The following DUSP14 variants were observed in gnomAD, a reference collection of about 807,000 sequenced individuals.
The protein encoded by DUSP14 is dual specificity phosphatase 14.
In DUSP14, 5 loss-of-function variants were observed where a neutral mutation model predicts 13.2. The ratio of observed to expected loss-of-function variants is 0.38; its 90% CI spans 0.20 to 0.80. The LOEUF is 0.80. Among genes scored for constraint, DUSP14 ranks in the 30% least tolerant of loss-of-function variants. The pLI is 0.44. For missense variants in DUSP14, 185 were observed against 264.0 expected, an observed-to-expected ratio of 0.70 and a Z score of 2.07; for synonymous variants, 91 against 103.4, an observed-to-expected ratio of 0.88 and a Z score of 0.73.
Position 37,489,932 on chromosome 17 carries a change from C to T in DUSP14, c.-207C>T, listed in dbSNP as rs2046061012. 1 of 73,780 alleles carries T rather than the reference C, an allele frequency of 1.4e-5. No homozygotes were observed. The highest frequency in any genetic ancestry group is 1.6e-4 in the Admixed American group (1 of 6,142). The allele number at this position is 73,780 out of a possible 1,614,324, so 4.6% of individuals were successfully genotyped here. A position where few individuals can be genotyped will look rare whatever the true frequency, so the allele number is the denominator to read the frequency against. Reference sequence around the variant, plus strand: ...GCGCAGGAGGACGGAGCCCTAACCGCAACCCGCTCCGCGCCGCGCCGCGCC... The same window carrying T: ...GCGCAGGAGGACGGAGCCCTAACCGTAACCCGCTCCGCGCCGCGCCGCGCC... On this transcript the variant is annotated 5_prime_UTR_variant, in exon 1 of 3. Coordinates refer to ENST00000617516, the MANE Select transcript of DUSP14 (RefSeq NM_007026.4).
Position 37,511,585 on chromosome 17 carries a change from C to CTTTTTT in DUSP14, c.-92-583_-92-578dup, listed in dbSNP as rs533256343. Reference sequence around the variant, plus strand: ...CATGAGCTACCTCACCTGGCCTTTCCTTTTTTTTTTTTTTTTTTAGAAGCT... The same window carrying CTTTTTT: ...CATGAGCTACCTCACCTGGCCTTTCCTTTTTTTTTTTTTTTTTTTTTTTTAGAAGCT... On this transcript the variant is annotated intron_variant, in intron 2 of 2. Transcript: ENST00000617516. Among the ~76,000 whole-genome samples, 33 of 87,306 alleles carry CTTTTTT rather than the reference C, an allele frequency of 3.8e-4. 6 individuals are homozygous for CTTTTTT. Among genetic ancestry groups the CTTTTTT allele is most frequent in the South Asian group, 8.4e-4 (2 of 2,380 alleles). The allele number at this position is 87,306 out of a possible 152,430, so 57.3% of individuals were successfully genotyped here. A position where few individuals can be genotyped will look rare whatever the true frequency, so the allele number is the denominator to read the frequency against.
In DUSP14 at chr17:37,512,136, G is replaced by C; in HGVS notation, c.-92-45G>C. Reference sequence around the variant, plus strand: ...GACAAATGTGACAGAAGGCTGTGATGAATCAGTAGCATTTAAAGTACTGAC... The same window carrying C: ...GACAAATGTGACAGAAGGCTGTGATCAATCAGTAGCATTTAAAGTACTGAC... On this transcript the variant is annotated intron_variant, in intron 2 of 2. Coordinates refer to ENST00000617516, the MANE Select transcript of DUSP14 (RefSeq NM_007026.4). The surrounding 1 kb of genome is among the most constrained non-coding windows in gnomAD (Gnocchi z 4.8). 3.0e-6 allele frequency: 2 copies of C among 675,372 alleles called. No individual in the cohort carries two copies. The highest frequency in any genetic ancestry group is 2.6e-5 in the East Asian group (1 of 39,138). The allele number at this position is 675,372 out of a possible 1,614,324, so 41.8% of individuals were successfully genotyped here. A position where few individuals can be genotyped will look rare whatever the true frequency, so the allele number is the denominator to read the frequency against.
rs2054211646 is a variant in DUSP14, at chr17:37,513,329, ACTCTTTCCTTT to A, written c.*462_*472del. 1 of 174,842 alleles carries A rather than the reference ACTCTTTCCTTT, an allele frequency of 5.7e-6. No homozygotes were observed. The highest frequency in any genetic ancestry group is 1.4e-5 in the Non-Finnish European group (1 of 73,880). The allele number at this position is 174,842 out of a possible 1,614,324, so 10.8% of individuals were successfully genotyped here. A position where few individuals can be genotyped will look rare whatever the true frequency, so the allele number is the denominator to read the frequency against. On this transcript the variant is annotated 3_prime_UTR_variant, in exon 3 of 3. Transcript: ENST00000617516. ...CTTCAGTCTCTACTGGATTAGCCCT[ACTCTTTCCTTT>A]CCCCTCCATTATTTAGTGACTCTGT...
intron 1 of DUSP14, among the ~76,000 whole-genome samples, chr17:37,495,500 C>T (rs895738128): frequency 6.6e-6 from 1 of 152,116 alleles, no homozygotes; most frequent in Non-Finnish European, 1.5e-5. Context: ...ACTCCTATGT[C>T]TTTGAGTGTG....
rs537189968 is a variant in DUSP14 at position 37,491,183 on chromosome 17, C to G, written c.-181+1225C>G. Reference sequence around the variant, plus strand: ...GTTGTGCGTGTGTCTGGAAGCTCCACTCCCTTGAGCTGCGATTTGGTTATT... The same window carrying G: ...GTTGTGCGTGTGTCTGGAAGCTCCAGTCCCTTGAGCTGCGATTTGGTTATT... On this transcript the variant is annotated intron_variant, in intron 1 of 2. Transcript: ENST00000617516. 3.0e-4 allele frequency among the ~76,000 whole-genome samples: 45 copies of G among 152,346 alleles called. 1 individual carries two copies. In the South Asian group the frequency reaches 8.5e-3, roughly 29 times the overall value.
chr17:37,511,585 C>CCTTTTTTTTTTTTTT (rs1207586646), intron 2 of DUSP14, among the ~76,000 whole-genome samples: 9 of 87,310 alleles, frequency 1.0e-4, no homozygotes, highest in African/African-American at 4.7e-4. Flanking sequence ...CTGGCCTTTC[C>CCTTTTTTTTTTTTTT]TTTTTTTTTT....
chr17:37,507,555 C>T (rs2054146347), intron 1 of DUSP14, among the ~76,000 whole-genome samples: 2 of 152,244 alleles, frequency 1.3e-5, no homozygotes, highest in South Asian at 2.1e-4. Context: ...CGGGTTCAAG[C>T]GATTCTCTTG....
intron 1 of DUSP14, among the ~76,000 whole-genome samples, chr17:37,494,240 G>T (rs566531433): frequency 6.6e-6 from 1 of 152,190 alleles, no homozygotes; most frequent in Non-Finnish European, 1.5e-5. Flanking sequence ...TGATCCGCCC[G>T]CCTCGGCCTC....
chr17:37,498,635 T>C (rs1597968559), intron 1 of DUSP14, among the ~76,000 whole-genome samples: 2 of 151,840 alleles, frequency 1.3e-5, no homozygotes, highest in African/African-American at 4.8e-5. Flanking sequence ...CTAGATTGTA[T>C]CTTAAATCCA....
intron 1 of DUSP14, among the ~76,000 whole-genome samples, chr17:37,492,810 C>G (rs1485304110): frequency 6.6e-6 from 1 of 152,170 alleles, no homozygotes; most frequent in African/African-American, 2.4e-5. Context: ...CACACTCTCT[C>G]CCTCCCCCAG....
At chr17:37,511,923 C>CA (rs375345723) in intron 2 of DUSP14, among the ~76,000 whole-genome samples, 5 of 19,836 alleles carry the variant, frequency 2.5e-4, no homozygotes, top group African/African-American at 1.4e-3. Context: ...GCCCAGCCAC[C>CA]CCCCCCCCAC....
intron 1 of DUSP14, among the ~76,000 whole-genome samples, chr17:37,508,965 A>G (rs75895773): frequency 1.2e-3 from 169 of 146,790 alleles, no homozygotes; most frequent in African/African-American, 4.2e-3. Context: ...CAGGTTCATC[A>G]GTAGGTGAAT....
At chr17:37,498,206 A>G (rs1360404999) in intron 1 of DUSP14, among the ~76,000 whole-genome samples, 1 of 151,084 alleles carries the variant, frequency 6.6e-6, no homozygotes, top group Non-Finnish European at 1.5e-5. Context: ...CAAAAATTGG[A>G]GAAGTATTTA....
intron 2 of DUSP14, among the ~76,000 whole-genome samples, chr17:37,511,937 A>AGTGTTTTTTTTTTTTTTTTTTTT (rs1329764853): frequency 6.1e-5 from 1 of 16,442 alleles, no homozygotes; most frequent in Non-Finnish European, 1.2e-4. Context: ...CCCCCACCCC[A>AGTGTTTTTTTTTTTTTTTTTTTT]CTTTTTTTTT....
intron 1 of DUSP14, among the ~76,000 whole-genome samples, chr17:37,494,390 T>C (rs1008204164): frequency 6.6e-6 from 1 of 152,154 alleles, no homozygotes; most frequent in Admixed American, 6.5e-5. Flanking sequence ...TTCATTTTCT[T>C]TGTAAGAGAT....
At chr17:37,499,524 T>G (rs189522377) in intron 1 of DUSP14, among the ~76,000 whole-genome samples, 3 of 150,558 alleles carry the variant, frequency 2.0e-5, no homozygotes, top group South Asian at 2.1e-4. Context: ...TGTTTTTGTT[T>G]GTTTGTTTGT....
At chr17:37,509,276 TATATATATATATATATATATAG>T (rs2054165391) in intron 1 of DUSP14, among the ~76,000 whole-genome samples, 1 of 36,934 alleles carries the variant, frequency 2.7e-5, no homozygotes, top group African/African-American at 1.3e-4. Context: ...TATATATATA[TATATATATATATATATATATAG>T]TGTGTGTGTG....
In DUSP14 at chr17:37,512,195, T is replaced by C; in HGVS notation, c.-78T>C. 1 of 1,260,888 alleles carries C rather than the reference T, an allele frequency of 7.9e-7. No homozygotes were observed. Among genetic ancestry groups the C allele is most frequent in the Non-Finnish European group, 1.1e-6 (1 of 908,704 alleles). The allele number at this position is 1,260,888 out of a possible 1,614,324, so 78.1% of individuals were successfully genotyped here. A position where few individuals can be genotyped will look rare whatever the true frequency, so the allele number is the denominator to read the frequency against. Reference sequence around the variant, plus strand: ...GTATTTTGCAGGAAGGAGACTCTAATTTTGGATTCCTTGGTGGAGGAAAAT... The same window carrying C: ...GTATTTTGCAGGAAGGAGACTCTAACTTTGGATTCCTTGGTGGAGGAAAAT... On this transcript the variant is annotated 5_prime_UTR_variant, in exon 3 of 3. Transcript: ENST00000617516. The surrounding 1 kb of genome is among the most constrained non-coding windows in gnomAD (Gnocchi z 4.8).
At chr17:37,498,154 A>G (rs114835952) in intron 1 of DUSP14, among the ~76,000 whole-genome samples, 1 of 151,752 alleles carries the variant, frequency 6.6e-6, no homozygotes, top group Non-Finnish European at 1.5e-5. Context: ...TTCACATGAT[A>G]TTTCTTTTTT....
Sources: gnomAD v4.1 joint callset for allele counts (sites outside exome capture counted in the v4.1 genomes callset) on GRCh38, gnomAD v4.1.1 for gene constraint, Gnocchi (gnomAD v3.1) non-coding constraint, MANE v1.5 for transcripts, NCBI Gene and HGNC (gene_info 2026-07-23, HGNC 2026-07-21) for gene names.